The following PIP5K1C variants were observed in gnomAD, a reference collection of about 807,000 sequenced individuals.
PIP5K1C encodes phosphatidylinositol 4-phosphate 5-kinase type-1 gamma.
Under a neutral mutation model 80.1 loss-of-function variants are expected in PIP5K1C, and 45 were observed. That is an observed-to-expected ratio of 0.56 (90% CI 0.44 to 0.72). The LOEUF is 0.72. Ranked by LOEUF, PIP5K1C falls within the 30% of genes least tolerant of loss-of-function variation. The pLI is 0.00. For synonymous variants in PIP5K1C, 498 were observed against 420.1 expected, an observed-to-expected ratio of 1.19 and a Z score of -2.27; for missense variants, 753 against 954.6, an observed-to-expected ratio of 0.79 and a Z score of 2.78.
rs1384072538 is a variant in PIP5K1C at position 3,696,401 on chromosome 19, T to G, written c.94+3896A>C. Reference sequence around the variant, plus strand: ...CAGGAGGAGATGGTCAGAAAACACGTCAGCAGAGCCATATGTTTCAGGTGG... The same window carrying G: ...CAGGAGGAGATGGTCAGAAAACACGGCAGCAGAGCCATATGTTTCAGGTGG... On this transcript the variant is annotated intron_variant, in intron 1 of 17. Transcript: ENST00000335312. This position sits in a 1 kb window ranked among gnomAD's most constrained non-coding sequence, Gnocchi z 4.1. Among the ~76,000 whole-genome samples the G allele has an allele frequency of 6.6e-6, 1 of 152,072 alleles. No individual in the cohort carries two copies. The highest frequency in any genetic ancestry group is 6.5e-5 in the Admixed American group (1 of 15,274).
chr19:3,678,678 AG>A (rs2035490085), intron 1 of PIP5K1C, among the ~76,000 whole-genome samples: 1 of 74,044 alleles, frequency 1.4e-5, no homozygotes, highest in African/African-American at 5.3e-5. Flanking sequence ...AGGGATGGCG[AG>A]ATGGAGGGAT....
At chr19:3,647,441 C>G (rs372155360) in intron 9 of PIP5K1C, 55 bp from the exon 10 acceptor site, 3 of 1,482,730 alleles carry the variant, frequency 2.0e-6, no homozygotes, top group Admixed American at 3.8e-5. Flanking sequence ...CATGCCAGGC[C>G]ACCTCACTCA....
intron 1 of PIP5K1C, among the ~76,000 whole-genome samples, chr19:3,684,487 C>T (rs554615255): frequency 6.6e-6 from 1 of 152,350 alleles, no homozygotes; most frequent in African/African-American, 2.4e-5. Flanking sequence ...CTCTTGGAAT[C>T]CCTCCAGTAC....
chr19:3,635,814 C>T (rs1247786382), intron 16 of PIP5K1C, among the ~76,000 whole-genome samples: 1 of 151,984 alleles, frequency 6.6e-6, no homozygotes, highest in African/African-American at 2.4e-5. Flanking sequence ...CTCGTCTCTA[C>T]TAAAAATACA....
intron 1 of PIP5K1C, among the ~76,000 whole-genome samples, chr19:3,697,683 G>A (rs1406802541): frequency 6.6e-6 from 1 of 152,220 alleles, no homozygotes; most frequent in East Asian, 1.9e-4. Context: ...GCATCACAGA[G>A]ACAGATCAGC....
intron 1 of PIP5K1C, among the ~76,000 whole-genome samples, chr19:3,675,804 G>A (rs966481596): frequency 5.3e-5 from 8 of 152,256 alleles, no homozygotes; most frequent in East Asian, 3.9e-4. Context: ...GCAGGGTGCC[G>A]AGCAGCATCC....
intron 14 of PIP5K1C, 58 bp from the exon 15 acceptor site, chr19:3,641,867 C>A (rs2033977026): frequency 1.5e-6 from 2 of 1,365,082 alleles, no homozygotes; most frequent in African/African-American, 1.4e-5. Context: ...CATCCTACCC[C>A]CAGGAGTGCC....
rs776242608 is a variant in PIP5K1C at position 3,661,017 on chromosome 19, G to C, written c.417C>G (p.Val139=). 1.9e-6 allele frequency: 3 copies of C among 1,614,084 alleles called. No individual in the cohort carries two copies. The highest frequency in any genetic ancestry group is 2.5e-6 in the Non-Finnish European group (3 of 1,179,984). ...QDFRFKTYAP[V]AFRYFRELFG... ...AGAGCTCCCGGAAGTAGCGGAAGGC[G>C]ACAGGTGCATAGGTCTTGAAGCGGA... The change falls in exon 5 of 18, where the codon GTC becomes GTG. Residue 139 remains valine, a synonymous_variant. Coordinates refer to ENST00000335312, the MANE Select transcript of PIP5K1C (RefSeq NM_012398.3).
chr19:3,633,530 G>A lies in PIP5K1C; in HGVS notation c.1921-10C>T, dbSNP rs751179321. 3.4e-6 allele frequency: 5 copies of A among 1,488,880 alleles called. No homozygotes were observed. Among genetic ancestry groups the A allele is most frequent in the South Asian group, 2.8e-5 (2 of 70,944 alleles). The allele number at this position is 1,488,880 out of a possible 1,614,324, so 92.2% of individuals were successfully genotyped here. A position where few individuals can be genotyped will look rare whatever the true frequency, so the allele number is the denominator to read the frequency against. On this transcript the variant is annotated splice_polypyrimidine_tract_variant and intron_variant, in intron 16 of 17. Coordinates refer to ENST00000335312, the MANE Select transcript of PIP5K1C (RefSeq NM_012398.3). ...TCCTCTCATCGGTGGGCTGGCAGGT[G>A]GGCGCGCGTGCAGGAGGGCGCGGAA...
At chr19:3,661,126 C>T (rs1372990699) in intron 4 of PIP5K1C, 43 bp from the exon 5 acceptor site, 3 of 1,328,296 alleles carry the variant, frequency 2.3e-6, no homozygotes, top group East Asian at 2.3e-5. Flanking sequence ...GGGTGGTGGG[C>T]ACCTCTCCCC....
At position 3,636,437 on chromosome 19, in the gene PIP5K1C, C is replaced by G. The variant is rs553278916; in HGVS notation, c.1920+2447G>C. 4 of 985,470 alleles carry G rather than the reference C, an allele frequency of 4.1e-6. No individual in the cohort carries two copies. The South Asian group carries it at 1.9e-4, about 46-fold the overall frequency. 61.0% of individuals were successfully genotyped at this position (985,470 alleles called of 1,614,324 possible). Reference sequence around the variant, plus strand: ...CCTGCTGCCGAGACCACCCTCCCCACGTCTGCCCCTTCAAGTCAGGTGTTT... The same window carrying G: ...CCTGCTGCCGAGACCACCCTCCCCAGGTCTGCCCCTTCAAGTCAGGTGTTT... On this transcript the variant is annotated intron_variant, in intron 16 of 17. Transcript: ENST00000335312.
intron 1 of PIP5K1C, among the ~76,000 whole-genome samples, chr19:3,670,948 G>A (rs1449829696): frequency 1.3e-5 from 2 of 152,250 alleles, no homozygotes; most frequent in East Asian, 3.8e-4. Flanking sequence ...AGGCCACAAA[G>A]GGCCTGCTCT....
At chr19:3,657,433 T>C (rs990579951) in intron 5 of PIP5K1C, among the ~76,000 whole-genome samples, 2 of 152,176 alleles carry the variant, frequency 1.3e-5, no homozygotes, top group African/African-American at 2.4e-5. Flanking sequence ...AAATCCTAAC[T>C]GGTCGCCATT....
intron 16 of PIP5K1C, among the ~76,000 whole-genome samples, chr19:3,633,977 T>C (rs1244999374): frequency 6.6e-6 from 1 of 151,968 alleles, no homozygotes. Flanking sequence ...CGGACCTACT[T>C]CCCAACCCAG....
At chr19:3,634,941 C>T (rs1171179147) in intron 16 of PIP5K1C, among the ~76,000 whole-genome samples, 1 of 152,250 alleles carries the variant, frequency 6.6e-6, no homozygotes, top group East Asian at 1.9e-4. Context: ...TTGCCTGTTC[C>T]TCCAGGGTAG....
rs1462124183 is a variant in PIP5K1C, at chr19:3,688,376, G to A, written c.94+11921C>T. On this transcript the variant is annotated intron_variant, in intron 1 of 17. Coordinates refer to ENST00000335312, the MANE Select transcript of PIP5K1C (RefSeq NM_012398.3). This position sits in a 1 kb window ranked among gnomAD's most constrained non-coding sequence, Gnocchi z 5.3. Reference sequence around the variant, plus strand: ...CCGCAGGAGCTCCTGTTCCTCACCTGCGAGGGGGGGACGGCCTCTGGCCCC... The same window carrying A: ...CCGCAGGAGCTCCTGTTCCTCACCTACGAGGGGGGGACGGCCTCTGGCCCC... 6.6e-6 allele frequency among the ~76,000 whole-genome samples: 1 copy of A among 152,214 alleles called. No individual in the cohort carries two copies. The highest frequency in any genetic ancestry group is 1.9e-4 in the East Asian group (1 of 5,180).
rs2033725718 is a variant in PIP5K1C at position 3,637,238 on chromosome 19, T to TGGGGTCTG, written c.1920+1638_1920+1645dup. On this transcript the variant is annotated intron_variant, in intron 16 of 17. Coordinates refer to ENST00000335312, the MANE Select transcript of PIP5K1C (RefSeq NM_012398.3). The surrounding 1 kb of genome is among the most constrained non-coding windows in gnomAD (Gnocchi z 7.0). ...GGTCCAGGGGCAGAGAGGGGCTCGC[T>TGGGGTCTG]GGGGTCTGGCCGGGGTCCGAAGCAG... 3 of 1,443,272 alleles carry TGGGGTCTG rather than the reference T, an allele frequency of 2.1e-6. No individual in the cohort carries two copies. The highest frequency in any genetic ancestry group is 1.8e-6 in the Non-Finnish European group (2 of 1,102,182). The allele number at this position is 1,443,272 out of a possible 1,614,324, so 89.4% of individuals were successfully genotyped here.
At position 3,645,859 on chromosome 19, in the gene PIP5K1C, T is replaced by C. The variant is rs1452270972; in HGVS notation, c.1345+115A>G. On this transcript the variant is annotated intron_variant, in intron 11 of 17. Coordinates refer to ENST00000335312, the MANE Select transcript of PIP5K1C (RefSeq NM_012398.3). ...CGGTCTGAGGGGGGCACAGGGGCTC[T>C]GAGTTTACTGCCCTGCCCAGGGGGC... The C allele has an allele frequency of 4.9e-6, 4 of 813,838 alleles. No individual in the cohort carries two copies. In the East Asian group the frequency reaches 9.7e-5, roughly 20 times the overall value. 50.4% of individuals were successfully genotyped at this position (813,838 alleles called of 1,614,324 possible).
intron 16 of PIP5K1C, chr19:3,636,243 C>T: frequency 6.6e-6 from 2 of 304,346 alleles, no homozygotes; most frequent in Non-Finnish European, 4.8e-6. Flanking sequence ...CCTCAGCCAG[C>T]AGCTGGGCAG....
Sources: allele counts gnomAD v4.1 joint callset (sites outside exome capture counted in the v4.1 genomes callset), GRCh38; gene constraint gnomAD v4.1.1; non-coding constraint Gnocchi (gnomAD v3.1); transcripts MANE v1.5; gene names NCBI Gene and HGNC (gene_info 2026-07-23, HGNC 2026-07-21).